Variants in PVT1 observed in about 807,000 individuals in gnomAD.
PVT1 encodes Pvt1 oncogene, also known as CXCR4/PVT1 fusion.
In PVT1 at chr8:127,984,855, T is replaced by C. The variant is rs144066614; in HGVS notation, n.783-4307T>C. 5.7e-3 allele frequency among the ~76,000 whole-genome samples: 241 copies of C among 42,422 alleles called. 18 individuals are homozygous for C. The highest frequency in any genetic ancestry group is 0.026 in the South Asian group (25 of 946). 27.8% of individuals were successfully genotyped at this position (42,422 alleles called of 152,430 possible). On this transcript the variant is annotated intron_variant and non_coding_transcript_variant, in intron 3 of 10. Coordinates refer to ENST00000651587, the Ensembl canonical transcript of PVT1. ...TCTTTTCTTTTCTTTCTTTCTTTCT[T>C]TCTTTCTTTCTTTCTTTCTTTCTTT...
chr8:127,988,946 T>G (rs75372949), intron 3 of PVT1, among the ~76,000 whole-genome samples: 2,925 of 152,318 alleles, frequency 0.019, 42 homozygotes, highest in South Asian at 0.035. Context: ...TATCAAAGCC[T>G]ATCTCATAGG....
intron 3 of PVT1, among the ~76,000 whole-genome samples, chr8:127,926,911 C>T (rs534538486): frequency 4.6e-5 from 7 of 152,276 alleles, no homozygotes; most frequent in South Asian, 2.1e-4. Flanking sequence ...TCAGGCTAAT[C>T]GGACACGAGG....
At chr8:128,073,344 G>GTTCTCCCTCCTT (rs1349833399) in intron 5 of PVT1, among the ~76,000 whole-genome samples, 29 of 151,952 alleles carry the variant, frequency 1.9e-4, no homozygotes, top group Non-Finnish European at 3.7e-4. Flanking sequence ...AACTGACCCC[G>GTTCTCCCTCCTT]TTCTCCCTCC....
chr8:128,076,564 A>AC (rs1814092503), intron 5 of PVT1, among the ~76,000 whole-genome samples: 1 of 152,058 alleles, frequency 6.6e-6, no homozygotes, highest in African/African-American at 2.4e-5. Flanking sequence ...AAGGTTGTGG[A>AC]CCCCTGAATT....
chr8:127,989,112 A>G (rs1239438763), intron 3 of PVT1: 4 of 152,206 alleles, frequency 2.6e-5, no homozygotes, highest in Non-Finnish European at 5.9e-5. Context: ...TACCAAATCT[A>G]TTCAAGGTAA....
intron 2 of PVT1, among the ~76,000 whole-genome samples, chr8:127,836,011 C>T (rs1408918575): frequency 6.6e-6 from 1 of 152,152 alleles, no homozygotes; most frequent in Non-Finnish European, 1.5e-5. Context: ...TCCTAGAATG[C>T]TTTTTCCCCA....
At chr8:127,933,295 G>A (rs1586442875) in intron 3 of PVT1, among the ~76,000 whole-genome samples, 3 of 152,146 alleles carry the variant, frequency 2.0e-5, no homozygotes, top group Admixed American at 6.5e-5. Flanking sequence ...GGCTGGTCTC[G>A]AACTCCCAAC....
chr8:127,820,200 C>T (rs1814713474), intron 2 of PVT1, among the ~76,000 whole-genome samples: 1 of 152,142 alleles, frequency 6.6e-6, no homozygotes, highest in African/African-American at 2.4e-5. Flanking sequence ...GGAGTTTAAT[C>T]AGCAAGAGTG....
intron 5 of PVT1, among the ~76,000 whole-genome samples, chr8:128,077,918 G>T (rs766244735): frequency 6.6e-6 from 1 of 152,188 alleles, no homozygotes; most frequent in South Asian, 2.1e-4. Flanking sequence ...TGGGGTTGGT[G>T]GATGGGGTAG....
chr8:127,974,369 G>A lies in PVT1; in HGVS notation n.783-14793G>A, dbSNP rs1816799446. ...TTTTATCCTAATTTTATCCATTATT[G>A]AAGTTTTCCCAAAAAAAGTCAGCAT... On this transcript the variant is annotated intron_variant and non_coding_transcript_variant, in intron 3 of 10. Transcript: ENST00000651587. Among the ~76,000 whole-genome samples the A allele has an allele frequency of 1.2e-4, 19 of 152,070 alleles. No individual in the cohort carries two copies. The South Asian group carries it at 4.0e-3, about 32-fold the overall frequency.
chr8:128,022,961 G>T (rs927020408), intron 4 of PVT1, among the ~76,000 whole-genome samples: 1 of 151,650 alleles, frequency 6.6e-6, no homozygotes, highest in Non-Finnish European at 1.5e-5. Context: ...CCACCTCCTG[G>T]GTTCAAGCAA....
At chr8:127,868,784 T>C (rs796632755) in intron 2 of PVT1, among the ~76,000 whole-genome samples, 11 of 84,164 alleles carry the variant, frequency 1.3e-4, no homozygotes, top group African/African-American at 5.6e-4. Flanking sequence ...TATATATATA[T>C]ATATATATAC....
At chr8:127,924,335 T>G (rs998536171) in intron 3 of PVT1, among the ~76,000 whole-genome samples, 2 of 152,124 alleles carry the variant, frequency 1.3e-5, no homozygotes, top group African/African-American at 2.4e-5. Flanking sequence ...ACACAATTTT[T>G]TTTGTTTGTT....
chr8:127,950,070 A>G (rs1395865636), intron 3 of PVT1, among the ~76,000 whole-genome samples: 1 of 152,244 alleles, frequency 6.6e-6, no homozygotes, highest in Non-Finnish European at 1.5e-5. Context: ...TTTATTGAGC[A>G]CTTACTAAGT....
chr8:127,933,648 G>A (rs1816238514), intron 3 of PVT1, among the ~76,000 whole-genome samples: 1 of 152,176 alleles, frequency 6.6e-6, no homozygotes, highest in South Asian at 2.1e-4. Context: ...TCTGGGTTTG[G>A]TGGGACCTTG....
intron 2 of PVT1, among the ~76,000 whole-genome samples, chr8:127,821,989 C>T (rs1814735575): frequency 1.3e-5 from 2 of 152,178 alleles, no homozygotes; most frequent in Non-Finnish European, 1.5e-5. Context: ...GGTTCGAATC[C>T]TGGCTCTACC....
chr8:128,035,275 A>G (rs1293998514), intron 4 of PVT1, among the ~76,000 whole-genome samples: 36 of 152,210 alleles, frequency 2.4e-4, no homozygotes, highest in Admixed American at 2.4e-3. Context: ...CTGTGGGAAC[A>G]CACAGGGTTA....
At chr8:127,952,475 C>T (rs1352862544) in intron 3 of PVT1, among the ~76,000 whole-genome samples, 1 of 152,256 alleles carries the variant, frequency 6.6e-6, no homozygotes, top group Non-Finnish European at 1.5e-5. Flanking sequence ...TGCAAAGCCC[C>T]TTCCCTGTTT....
At chr8:127,889,483 G>A (rs1164738731) in intron 2 of PVT1, among the ~76,000 whole-genome samples, 1 of 147,134 alleles carries the variant, frequency 6.8e-6, no homozygotes, top group African/African-American at 2.5e-5. Context: ...GTGTGACCTT[G>A]TGGAAGTTGC....
Sources: gnomAD v4.1 joint callset for allele counts (sites outside exome capture counted in the v4.1 genomes callset) on GRCh38, gnomAD v4.1.1 for gene constraint, MANE v1.5 for transcripts, NCBI Gene and HGNC (gene_info 2026-07-23, HGNC 2026-07-21) for gene names.